Variants in CCDC40 observed in about 807,000 individuals in gnomAD.
CCDC40 encodes the protein coiled-coil domain-containing protein 40.
In CCDC40, 104 loss-of-function variants were observed where a neutral mutation model predicts 124.5. That is an observed-to-expected ratio of 0.84 (90% CI 0.71 to 0.98). The LOEUF (loss-of-function observed/expected upper bound fraction) is 0.98, where lower values mean the gene tolerates loss of function less well. Ranked by LOEUF, CCDC40 falls within the 50% of genes least tolerant of loss-of-function variation. CCDC40 has a pLI of 0.00. For missense variants in CCDC40, 1,463 were observed against 1,503.9 expected, an observed-to-expected ratio of 0.97 and a Z score of 0.45; for synonymous variants, 580 against 602.9, an observed-to-expected ratio of 0.96 and a Z score of 0.56.
At chr17:80,062,689 C>G (rs566335507) in intron 9 of CCDC40, among the ~76,000 whole-genome samples, 1 of 152,218 alleles carries the variant, frequency 6.6e-6, no homozygotes, top group Non-Finnish European at 1.5e-5. Flanking sequence ...AAGCAATCCT[C>G]CCACCTCAGC....
Position 80,090,149 on chromosome 17 carries a change from GAAC to G in CCDC40, c.2832+270_2832+272del, listed in dbSNP as rs2038674399. The G allele has an allele frequency of 5.7e-6, 8 of 1,410,282 alleles. No individual in the cohort carries two copies. The Admixed American group carries it at 6.2e-5, about 11-fold the overall frequency. The allele number at this position is 1,410,282 out of a possible 1,614,324, so 87.4% of individuals were successfully genotyped here. A position where few individuals can be genotyped will look rare whatever the true frequency, so the allele number is the denominator to read the frequency against. ...GCTTTTAATGTGCAGAAATATTGCA[GAAC>G]AACACAGGACGCACACAGGCACGTG... On this transcript the variant is annotated intron_variant, in intron 17 of 19. Coordinates refer to ENST00000397545, the MANE Select transcript of CCDC40 (RefSeq NM_017950.4).
chr17:80,088,531 C>T (rs1020750539), intron 16 of CCDC40: 4 of 287,662 alleles, frequency 1.4e-5, no homozygotes, highest in South Asian at 3.3e-5. Flanking sequence ...GGATTACATT[C>T]ATGAGCCACC....
At chr17:80,049,565 A>G (rs1423344209) in intron 5 of CCDC40, among the ~76,000 whole-genome samples, 1 of 152,102 alleles carries the variant, frequency 6.6e-6, no homozygotes, top group Non-Finnish European at 1.5e-5. Flanking sequence ...TCATTTACCC[A>G]TCAGGACAGC....
rs1207354438 is a variant in CCDC40 at position 80,042,291 on chromosome 17, G to A, written c.552+2021G>A. ...ACACCACCACACCTGGCTAAAATTCGGTATTTTTAGTAGAGATGGGGTTTC... is the reference window on the plus strand; with the variant it reads ...ACACCACCACACCTGGCTAAAATTCAGTATTTTTAGTAGAGATGGGGTTTC... On this transcript the variant is annotated intron_variant, in intron 3 of 19. Coordinates refer to ENST00000397545, the MANE Select transcript of CCDC40 (RefSeq NM_017950.4). 2.6e-5 allele frequency among the ~76,000 whole-genome samples: 4 copies of A among 151,898 alleles called. No homozygotes were observed. In the East Asian group the frequency reaches 5.8e-4, roughly 22 times the overall value.
chr17:80,097,529 A>T (rs1321564724), intron 19 of CCDC40, 126 bp downstream of exon 19: 5 of 904,474 alleles, frequency 5.5e-6, no homozygotes, highest in Middle Eastern at 3.1e-4. Flanking sequence ...TCCTGATCCC[A>T]GGCCAGTAAT....
intron 2 of CCDC40, among the ~76,000 whole-genome samples, chr17:80,039,168 A>C (rs550708729): frequency 2.0e-5 from 3 of 152,040 alleles, no homozygotes; most frequent in African/African-American, 7.2e-5. Context: ...GGAATTCAAG[A>C]CCAGCCTGGC....
intron 10 of CCDC40, among the ~76,000 whole-genome samples, chr17:80,070,343 A>C (rs57564636): frequency 0.015 from 2,258 of 152,326 alleles, 57 homozygotes; most frequent in African/African-American, 0.052. Flanking sequence ...GCCTGTAATC[A>C]CAGTGCTTTG....
chr17:80,056,650 A>G (rs2037756394), intron 7 of CCDC40, among the ~76,000 whole-genome samples: 2 of 152,060 alleles, frequency 1.3e-5, no homozygotes, highest in African/African-American at 4.8e-5. Context: ...TATTCTCAAC[A>G]AATTGATTTT....
chr17:80,077,311 A>G (rs1179975381), intron 10 of CCDC40, among the ~76,000 whole-genome samples: 1 of 152,068 alleles, frequency 6.6e-6, no homozygotes, highest in Non-Finnish European at 1.5e-5. Context: ...ACTTGAGCTC[A>G]AGAGTTTGAG....
intron 17 of CCDC40, chr17:80,090,766 A>G: frequency 1.5e-6 from 2 of 1,358,928 alleles, no homozygotes; most frequent in Non-Finnish European, 1.9e-6. Flanking sequence ...CCTTAAGGAT[A>G]ACAGTAAGAG....
In CCDC40 at chr17:80,058,431, G is replaced by A; in HGVS notation, c.1160-63G>A. 6.6e-7 allele frequency: 1 copy of A among 1,513,476 alleles called. No homozygotes were observed. The highest frequency in any genetic ancestry group is 9.1e-7 in the Non-Finnish European group (1 of 1,094,272). The allele number at this position is 1,513,476 out of a possible 1,614,324, so 93.8% of individuals were successfully genotyped here. A position where few individuals can be genotyped will look rare whatever the true frequency, so the allele number is the denominator to read the frequency against. The stretch of plus-strand genomic sequence containing the variant: ...CTGCTTCCTCCTGGGTCTCTGCATG[G>A]GGGACGCTGGGACAGCCTCCCCACT... On this transcript the variant is annotated intron_variant, in intron 7 of 19. Coordinates refer to ENST00000397545, the MANE Select transcript of CCDC40 (RefSeq NM_017950.4). This position sits in a 1 kb window ranked among gnomAD's most constrained non-coding sequence, Gnocchi z 4.2.
At chr17:80,074,740 T>A (rs2038272356) in intron 10 of CCDC40, among the ~76,000 whole-genome samples, 2 of 152,170 alleles carry the variant, frequency 1.3e-5, no homozygotes, top group African/African-American at 4.8e-5. Flanking sequence ...AACCCATGGG[T>A]TGAGGAGTAA....
Position 80,047,310 on chromosome 17 carries a change from T to C in CCDC40, c.584T>C (p.Val195Ala). Residue 195 changes from valine (V) to alanine (A), a missense_variant, in exon 4 of 20, where the codon GTG (valine) becomes GCG (alanine). Physicochemically the swap from Val to Ala is moderately conservative, Grantham distance 64. Coordinates refer to ENST00000397545, the MANE Select transcript of CCDC40 (RefSeq NM_017950.4). ...TCCACAGAGGAGCCCCAGGGGCAGG[T>C]GCTCCCAATGGGCGTCCAGCACCGC... ...TGSTEEPQGQ[V>A]LPMGVQHRFR... is the part of the protein sequence containing the mutation. The C allele has an allele frequency of 6.2e-7, 1 of 1,613,660 alleles. No individual in the cohort carries two copies.
intron 7 of CCDC40, among the ~76,000 whole-genome samples, chr17:80,053,897 A>G (rs958962235): frequency 5.9e-5 from 9 of 152,222 alleles, no homozygotes; most frequent in African/African-American, 1.4e-4. Context: ...CATTTGACCT[A>G]CATGTCAGTT....
chr17:80,061,084 G>T (rs371448936), intron 9 of CCDC40, among the ~76,000 whole-genome samples: 1 of 152,144 alleles, frequency 6.6e-6, no homozygotes, highest in African/African-American at 2.4e-5. Flanking sequence ...GGTGGCTCAC[G>T]CCTGTAATCC....
At chr17:80,071,153 C>A (rs1271677051) in intron 10 of CCDC40, among the ~76,000 whole-genome samples, 19 of 152,222 alleles carry the variant, frequency 1.2e-4, no homozygotes, top group Non-Finnish European at 2.9e-5. Context: ...GCCTGGACCG[C>A]ACTTAACTTG....
chr17:80,098,509 C>G (rs552873904), intron 19 of CCDC40, among the ~76,000 whole-genome samples: 6 of 152,332 alleles, frequency 3.9e-5, no homozygotes, highest in Admixed American at 6.5e-5. Context: ...CAACATCGCC[C>G]GATGGGATTC....
chr17:80,039,709 T>A (rs1310190194), intron 2 of CCDC40, 103 bp from the exon 3 acceptor site: 3 of 1,441,364 alleles, frequency 2.1e-6, no homozygotes, highest in Non-Finnish European at 2.8e-6. Flanking sequence ...GAGAAGGGTA[T>A]AAATGCAGTT....
rs578088608 is a variant in CCDC40 at position 80,086,348 on chromosome 17, G to A, written c.2449+132G>A. 2.7e-5 allele frequency: 20 copies of A among 734,140 alleles called. No homozygotes were observed. The highest frequency in any genetic ancestry group is 7.6e-5 in the South Asian group (5 of 65,462). 45.5% of individuals were successfully genotyped at this position (734,140 alleles called of 1,614,324 possible). A position where few individuals can be genotyped will look rare whatever the true frequency, so the allele number is the denominator to read the frequency against. On this transcript the variant is annotated intron_variant, in intron 14 of 19. Transcript: ENST00000397545. The surrounding 1 kb of genome is among the most constrained non-coding windows in gnomAD (Gnocchi z 5.5). Reference sequence around the variant, plus strand: ...GCAGCCTTAAAAGCAAATAACAAACGCGCATGCTCCCTGTATTTTGTAAAT... The same window carrying A: ...GCAGCCTTAAAAGCAAATAACAAACACGCATGCTCCCTGTATTTTGTAAAT...
Sources: gnomAD v4.1 joint callset for allele counts (sites outside exome capture counted in the v4.1 genomes callset) on GRCh38, gnomAD v4.1.1 for gene constraint, Gnocchi (gnomAD v3.1) non-coding constraint, MANE v1.5 for transcripts, NCBI Gene and HGNC (gene_info 2026-07-23, HGNC 2026-07-21) for gene names.